Variants in NRXN3 observed in about 807,000 individuals in gnomAD.
The protein encoded by NRXN3 is neurexin III.
A neutral mutation model predicts 137.6 loss-of-function variants in NRXN3; 32 were observed. The ratio of observed to expected loss-of-function variants is 0.23; its 90% CI spans 0.18 to 0.31. The LOEUF (loss-of-function observed/expected upper bound fraction) is 0.31. Among genes scored for constraint, NRXN3 ranks in the 10% least tolerant of loss-of-function variants. NRXN3 has a pLI of 1.00. For missense variants in NRXN3, 1,574 were observed against 2,062.5 expected (o/e 0.76, Z 4.59); for synonymous variants, 798 against 784.5 (o/e 1.02, Z -0.29).
At chr14:79,215,647 G>A (rs1259619335) in intron 15 of NRXN3, among the ~76,000 whole-genome samples, 1 of 152,066 alleles carries the variant, frequency 6.6e-6, no homozygotes, top group Non-Finnish European at 1.5e-5. Flanking sequence ...AGAACAGTAT[G>A]GGGGAAACTG....
At chr14:78,206,453 G>T (rs532577998) in intron 1 of NRXN3, among the ~76,000 whole-genome samples, 1 of 152,264 alleles carries the variant, frequency 6.6e-6, no homozygotes, top group African/African-American at 2.4e-5. Flanking sequence ...CCCAGAGGAG[G>T]GGGACCTGAG....
intron 15 of NRXN3, among the ~76,000 whole-genome samples, chr14:79,305,643 C>T (rs2085921955): frequency 6.6e-6 from 1 of 152,072 alleles, no homozygotes; most frequent in Admixed American, 6.6e-5. Context: ...CCTCTGGCCT[C>T]AAAACTCTTC....
intron 15 of NRXN3, among the ~76,000 whole-genome samples, chr14:78,990,417 G>A (rs2099516414): frequency 6.9e-6 from 1 of 145,802 alleles, no homozygotes; most frequent in African/African-American, 2.7e-5. Context: ...TATTGCCCGG[G>A]CTGGAGTGCA....
At chr14:79,816,342 G>A (rs933941844) in intron 20 of NRXN3, among the ~76,000 whole-genome samples, 1 of 152,076 alleles carries the variant, frequency 6.6e-6, no homozygotes, top group Admixed American at 6.5e-5. Context: ...AGCATGACTC[G>A]GGTTTCCCTA....
chr14:79,711,683 C>T (rs178377), intron 19 of NRXN3, among the ~76,000 whole-genome samples: 134,083 of 152,252 alleles, frequency 0.88, 59,218 homozygotes, highest in African/African-American at 0.93. Flanking sequence ...AAGGCATCAC[C>T]TTAGTTGCTA....
At chr14:79,078,959 A>AT (rs1222616738) in intron 15 of NRXN3, among the ~76,000 whole-genome samples, 3 of 151,992 alleles carry the variant, frequency 2.0e-5, no homozygotes, top group African/African-American at 4.8e-5. Context: ...AACCTAACTC[A>AT]TTTTCTGTCA....
At chr14:79,375,204 C>T (rs1461341544) in intron 15 of NRXN3, among the ~76,000 whole-genome samples, 2 of 147,136 alleles carry the variant, frequency 1.4e-5, no homozygotes, top group African/African-American at 2.5e-5. Flanking sequence ...ATTTAATGTT[C>T]TTGGACTTAC....
intron 15 of NRXN3, among the ~76,000 whole-genome samples, chr14:79,336,940 T>C (rs1055646223): frequency 6.6e-6 from 1 of 152,162 alleles, no homozygotes; most frequent in Non-Finnish European, 1.5e-5. Flanking sequence ...CTTTCTCTCA[T>C]CTCTATAGTT....
intron 10 of NRXN3, among the ~76,000 whole-genome samples, chr14:78,891,521 C>T (rs1001316718): frequency 1.3e-5 from 2 of 151,872 alleles, no homozygotes; most frequent in Non-Finnish European, 2.9e-5. Context: ...AATAAAATTC[C>T]CACGCTTCCC....
At chr14:79,007,824 A>AAAAAT in intron 15 of NRXN3, among the ~76,000 whole-genome samples, 1 of 151,418 alleles carries the variant, frequency 6.6e-6, no homozygotes, top group Non-Finnish European at 1.5e-5. Context: ...AAAAAAAAAA[A>AAAAAT]AAAAGCAGAA....
rs1461432043 is a variant in NRXN3 at position 78,778,746 on chromosome 14, CTTTCCT to C, written c.2045-24872_2045-24867del. ...TCTTTCTTTCTCTCTCTCTTTCTTT[CTTTCCT>C]TCTTTCTCTTTCTTTCTTTCTTTCT... On this transcript the variant is annotated intron_variant, in intron 8 of 20. Coordinates refer to ENST00000335750, the MANE Select transcript of NRXN3 (RefSeq NM_001330195.2). Among the ~76,000 whole-genome samples the C allele has an allele frequency of 3.1e-3, 373 of 119,830 alleles. 1 individual carries two copies. Among genetic ancestry groups the C allele is most frequent in the African/African-American group, 7.7e-3 (229 of 29,726 alleles). 78.6% of individuals were successfully genotyped at this position (119,830 alleles called of 152,430 possible).
chr14:79,175,544 G>T (rs1046028808), intron 15 of NRXN3, among the ~76,000 whole-genome samples: 6 of 152,066 alleles, frequency 3.9e-5, no homozygotes, highest in Non-Finnish European at 5.9e-5. Flanking sequence ...TACATGAATA[G>T]GACATCTTAT....
rs552906931 is a variant in NRXN3 at position 78,190,894 on chromosome 14, G to A, written c.-704+20220G>A. Among the ~76,000 whole-genome samples the A allele has an allele frequency of 3.3e-5, 5 of 152,020 alleles. No individual in the cohort carries two copies. The South Asian group carries it at 1.0e-3, about 32-fold the overall frequency. On this transcript the variant is annotated intron_variant, in intron 1 of 20. Transcript: ENST00000335750. The stretch of plus-strand genomic sequence containing the variant: ...TCACCATGTTGGCCAGGCTAGTCTC[G>A]GATGCCTGGCCTCAAGTGATCCACC...
chr14:78,712,041 C>A (rs1456212998), intron 7 of NRXN3, among the ~76,000 whole-genome samples: 1 of 152,216 alleles, frequency 6.6e-6, no homozygotes, highest in Non-Finnish European at 1.5e-5. Context: ...TTGGGCAAGT[C>A]AGTCTTAGAA....
rs558117849 is a variant in NRXN3 at position 79,042,218 on chromosome 14, C to A, written c.3262+54077C>A. ...ACATGCAGCTGGTTCTCTAAATATT[C>A]CAACGATTCCTATCATTTTCTGTAG... On this transcript the variant is annotated intron_variant, in intron 15 of 20. Transcript: ENST00000335750. Among the ~76,000 whole-genome samples the A allele has an allele frequency of 5.6e-4, 86 of 152,296 alleles. 1 individual carries two copies. The highest frequency in any genetic ancestry group is 3.4e-3 in the Middle Eastern group (1 of 294).
chr14:78,537,338 T>G (rs1382195366), intron 4 of NRXN3, among the ~76,000 whole-genome samples: 2 of 152,252 alleles, frequency 1.3e-5, no homozygotes, highest in African/African-American at 4.8e-5. Context: ...GGTTTTGATT[T>G]GCATTTCTCT....
At chr14:78,692,674 G>A (rs2152775098) in intron 6 of NRXN3, among the ~76,000 whole-genome samples, 1 of 152,312 alleles carries the variant, frequency 6.6e-6, no homozygotes, top group South Asian at 2.1e-4. Flanking sequence ...TAAAAGCTTT[G>A]TGAGCTTGGA....
intron 15 of NRXN3, among the ~76,000 whole-genome samples, chr14:79,256,024 T>C (rs934966075): frequency 8.5e-5 from 13 of 152,162 alleles, no homozygotes; most frequent in Non-Finnish European, 1.8e-4. Flanking sequence ...ACACTTCATC[T>C]CAGGATTGCT....
chr14:78,462,076 G>A (rs1255052630), intron 4 of NRXN3, among the ~76,000 whole-genome samples: 4 of 152,110 alleles, frequency 2.6e-5, no homozygotes, highest in Admixed American at 2.6e-4. Flanking sequence ...AGATAAATGA[G>A]GTGAAGCCCC....
Sources: gnomAD v4.1 joint callset for allele counts (sites outside exome capture counted in the v4.1 genomes callset) on GRCh38, gnomAD v4.1.1 for gene constraint, MANE v1.5 for transcripts, NCBI Gene and HGNC (gene_info 2026-07-23, HGNC 2026-07-21) for gene names.